The following ULK4 variants were observed in gnomAD, a reference collection of about 807,000 sequenced individuals.
ULK4 encodes inactive serine/threonine-protein kinase ULK4.
Under a neutral mutation model 160.6 loss-of-function variants are expected in ULK4, and 133 were observed. That is an observed-to-expected ratio of 0.83 (90% CI 0.72 to 0.96). The LOEUF (loss-of-function observed/expected upper bound fraction) is 0.96, where lower values mean the gene tolerates loss of function less well. ULK4 is among the 40% of genes least tolerant of loss of function. The pLI is 0.00. For synonymous variants in ULK4, 534 were observed against 539.8 expected, an observed-to-expected ratio of 0.99 and a Z score of 0.15; for missense variants, 1,580 against 1,499.5, an observed-to-expected ratio of 1.05 and a Z score of -0.89.
At chr3:41,581,725 A>T (rs1457892958) in intron 31 of ULK4, among the ~76,000 whole-genome samples, 2 of 152,188 alleles carry the variant, frequency 1.3e-5, no homozygotes, top group African/African-American at 4.8e-5. Context: ...GGTAGGTCAG[A>T]CAAACGCAAC....
chr3:41,711,543 G>A (rs1409425323), intron 25 of ULK4, among the ~76,000 whole-genome samples: 2 of 152,184 alleles, frequency 1.3e-5, no homozygotes, highest in South Asian at 4.1e-4. Context: ...GAGTGCACTA[G>A]CTCTGGCTTT....
At chr3:41,598,628 C>T (rs539635685) in intron 31 of ULK4, among the ~76,000 whole-genome samples, 2 of 152,198 alleles carry the variant, frequency 1.3e-5, no homozygotes, top group South Asian at 4.2e-4. Context: ...ATATATGTGG[C>T]TATTTTTACG....
intron 32 of ULK4, among the ~76,000 whole-genome samples, chr3:41,545,921 C>T (rs2086844292): frequency 1.3e-5 from 2 of 152,112 alleles, no homozygotes; most frequent in Admixed American, 6.5e-5. Flanking sequence ...CTGAACTTTG[C>T]AGTTTAAGAC....
chr3:41,772,655 G>C (rs969859778), intron 21 of ULK4, among the ~76,000 whole-genome samples: 4 of 152,140 alleles, frequency 2.6e-5, no homozygotes, highest in Admixed American at 2.6e-4. Context: ...GGAGGAACTG[G>C]TACCATTCCT....
chr3:41,587,703 A>C (rs80149297), intron 31 of ULK4, among the ~76,000 whole-genome samples: 1,823 of 152,354 alleles, frequency 0.012, 39 homozygotes, highest in African/African-American at 0.042. Context: ...CCTAGCACCT[A>C]TGACCTAGCA....
intron 1 of ULK4, among the ~76,000 whole-genome samples, chr3:41,960,920 C>T (rs1700642300): frequency 1.3e-5 from 2 of 152,130 alleles, no homozygotes; most frequent in Non-Finnish European, 1.5e-5. Flanking sequence ...CAAGCAGCCC[C>T]TCTGTGAGCC....
At chr3:41,791,216 G>C (rs140283206) in intron 20 of ULK4, among the ~76,000 whole-genome samples, 1 of 152,082 alleles carries the variant, frequency 6.6e-6, no homozygotes, top group Non-Finnish European at 1.5e-5. Context: ...GGATGGTCTC[G>C]ATCTCCTGAC....
chr3:41,803,330 T>A (rs1231960584), intron 19 of ULK4, among the ~76,000 whole-genome samples: 1 of 152,118 alleles, frequency 6.6e-6, no homozygotes, highest in African/African-American at 2.4e-5. Flanking sequence ...CATTACCAAG[T>A]TAGACCATGT....
chr3:41,645,873 C>T (rs1431671132), intron 30 of ULK4, among the ~76,000 whole-genome samples: 1 of 152,162 alleles, frequency 6.6e-6, no homozygotes, highest in African/African-American at 2.4e-5. Context: ...AATCTGGGTG[C>T]TCCTTTATTA....
chr3:41,723,493 T>C (rs1316933070), intron 22 of ULK4, among the ~76,000 whole-genome samples: 1 of 152,166 alleles, frequency 6.6e-6, no homozygotes, highest in African/African-American at 2.4e-5. Context: ...TCTAATTTCA[T>C]TGTTTTTCCA....
At chr3:41,796,545 T>C (rs999870257) in intron 20 of ULK4, among the ~76,000 whole-genome samples, 7 of 151,808 alleles carry the variant, frequency 4.6e-5, no homozygotes, top group African/African-American at 7.3e-5. Context: ...TGGCCTGAGA[T>C]TGCATGATTG....
At chr3:41,884,152 G>A (rs1001154542) in intron 16 of ULK4, among the ~76,000 whole-genome samples, 200 bp from the exon 17 acceptor site, 3 of 152,114 alleles carry the variant, frequency 2.0e-5, no homozygotes, top group Admixed American at 6.5e-5. Context: ...GACACGAACC[G>A]TAATGTCCGC....
At chr3:41,664,694 T>C (rs1390385016) in intron 29 of ULK4, among the ~76,000 whole-genome samples, 1 of 152,190 alleles carries the variant, frequency 6.6e-6, no homozygotes, top group Non-Finnish European at 1.5e-5. Flanking sequence ...GCCAAGTTCC[T>C]AGATGTCTAG....
chr3:41,635,660 C>T lies in ULK4; in HGVS notation c.3072-19943G>A, dbSNP rs145627241. Among the ~76,000 whole-genome samples the T allele has an allele frequency of 4.2e-3, 645 of 152,206 alleles. 7 individuals carry two copies. Among genetic ancestry groups the T allele is most frequent in the Middle Eastern group, 0.014 (4 of 294 alleles). The stretch of plus-strand genomic sequence containing the variant: ...ACACTGTGCTATGTGCTTGGACATC[C>T]ATGCTTCAATTAATGTCTAACAACT... On this transcript the variant is annotated intron_variant, in intron 30 of 36. Coordinates refer to ENST00000301831, the MANE Select transcript of ULK4 (RefSeq NM_017886.4).
intron 19 of ULK4, among the ~76,000 whole-genome samples, chr3:41,805,466 A>G (rs1219847477): frequency 2.6e-5 from 4 of 152,084 alleles, no homozygotes; most frequent in East Asian, 1.9e-4. Flanking sequence ...CTAATTGAAT[A>G]TCTTTTATTT....
chr3:41,785,549 T>C (rs1419879444), intron 21 of ULK4, among the ~76,000 whole-genome samples: 1 of 152,178 alleles, frequency 6.6e-6, no homozygotes. Flanking sequence ...GTTTCCATTG[T>C]AAAAGACCAT....
At chr3:41,544,499 A>G (rs1018692081) in intron 32 of ULK4, among the ~76,000 whole-genome samples, 9 of 152,242 alleles carry the variant, frequency 5.9e-5, no homozygotes, top group Non-Finnish European at 1.0e-4. Context: ...AGCCCTATGC[A>G]TGCACACAGC....
At chr3:41,424,831 C>CAAAAAAAAAAA (rs36097613) in intron 34 of ULK4, among the ~76,000 whole-genome samples, 1 of 62,398 alleles carries the variant, frequency 1.6e-5, no homozygotes, top group Non-Finnish European at 2.9e-5. Context: ...AAGAAATCAT[C>CAAAAAAAAAAA]AAAAAAAAAA....
At chr3:41,663,493 T>C in intron 30 of ULK4, 114 bp downstream of exon 30, 4 of 977,964 alleles carry the variant, frequency 4.1e-6, no homozygotes, top group Non-Finnish European at 4.7e-6. Context: ...AAATGACGAT[T>C]TTGACAACTC....
Sources: gnomAD v4.1 joint callset for allele counts (sites outside exome capture counted in the v4.1 genomes callset) on GRCh38, gnomAD v4.1.1 for gene constraint, MANE v1.5 for transcripts, NCBI Gene and HGNC (gene_info 2026-07-23, HGNC 2026-07-21) for gene names.